The following CHL1 variants were observed in gnomAD, a reference collection of about 807,000 sequenced individuals.
CHL1 encodes the protein neural cell adhesion molecule L1-like protein.
In CHL1, 96 loss-of-function variants were observed where a neutral mutation model predicts 141.9. The observed-to-expected ratio is 0.68, with a 90% CI of 0.57 to 0.80. The LOEUF (loss-of-function observed/expected upper bound fraction) is 0.80. CHL1 is among the 30% of genes least tolerant of loss of function. The pLI is 0.00. For missense variants in CHL1, 1,820 were observed against 1,457.2 expected (o/e 1.25, Z -4.05); for synonymous variants, 613 against 502.2 (o/e 1.22, Z -2.95).
chr3:373,456 A>C (rs535493508), intron 15 of CHL1: 1 of 152,586 alleles, frequency 6.6e-6, no homozygotes, highest in Non-Finnish European at 1.5e-5. Flanking sequence ...GGACCAAGCC[A>C]TCCAGCCTCC....
chr3:310,836 G>C (rs549973949), intron 2 of CHL1, among the ~76,000 whole-genome samples: 1 of 152,280 alleles, frequency 6.6e-6, no homozygotes, highest in East Asian at 1.9e-4. Flanking sequence ...CACAATTGTA[G>C]TATCATACAA....
At chr3:296,542 A>G (rs569318144) in intron 2 of CHL1, among the ~76,000 whole-genome samples, 1 of 152,206 alleles carries the variant, frequency 6.6e-6, no homozygotes, top group Admixed American at 6.5e-5. Context: ...TCATAGTTTC[A>G]TGACCACAGA....
chr3:207,337 C>G (rs1699529038), intron 1 of CHL1, among the ~76,000 whole-genome samples: 1 of 152,198 alleles, frequency 6.6e-6, no homozygotes, highest in African/African-American at 2.4e-5. Flanking sequence ...AATGGCTTTT[C>G]TATAAAGCTT....
At chr3:378,357 C>G (rs1706607685) in intron 16 of CHL1, among the ~76,000 whole-genome samples, 1 of 152,120 alleles carries the variant, frequency 6.6e-6, no homozygotes, top group South Asian at 2.1e-4. Flanking sequence ...ACCAAAGGCA[C>G]AGACTGAGTT....
intron 11 of CHL1, among the ~76,000 whole-genome samples, chr3:358,139 A>G (rs1167356374): frequency 6.6e-6 from 1 of 152,182 alleles, no homozygotes; most frequent in Non-Finnish European, 1.5e-5. Context: ...CATTTCTGTA[A>G]AAGTCCAACA....
At chr3:318,951 C>T (rs1700342731) in intron 2 of CHL1, among the ~76,000 whole-genome samples, 1 of 151,514 alleles carries the variant, frequency 6.6e-6, no homozygotes, top group Non-Finnish European at 1.5e-5. Context: ...ACTCATCAGT[C>T]ATATACACCA....
At chr3:294,790 G>T (rs147330857) in intron 2 of CHL1, among the ~76,000 whole-genome samples, 101 of 152,210 alleles carry the variant, frequency 6.6e-4, no homozygotes, top group African/African-American at 2.3e-3. Context: ...AACTGCGGTC[G>T]ACCACAATTC....
At chr3:244,318 G>A (rs771770190) in intron 1 of CHL1, among the ~76,000 whole-genome samples, 1 of 152,184 alleles carries the variant, frequency 6.6e-6, no homozygotes. Flanking sequence ...TGCAAAATAC[G>A]TGAATTCATG....
rs759588137 is a variant in CHL1 at position 398,331 on chromosome 3, A to G, written c.3199A>G (p.Asn1067Asp). 1 of 1,608,038 alleles carries G rather than the reference A, an allele frequency of 6.2e-7. No homozygotes were observed. The highest frequency in any genetic ancestry group is 1.1e-5 in the South Asian group (1 of 90,942). Reference sequence around the variant, plus strand: ...ACATATAGTTCGCCTAATGACTAAGAATTGGGGCGATAATGATAGCATTTT... The same window carrying G: ...ACATATAGTTCGCCTAATGACTAAGGATTGGGGCGATAATGATAGCATTTT... ...AEHIVRLMTKNWGDNDSIFQD... is the reference protein window; with the variant it reads ...AEHIVRLMTKDWGDNDSIFQD... The change falls in exon 25 of 28, where the codon AAT (asparagine) becomes GAT (aspartate). Residue 1067 changes from asparagine to aspartate, a missense_variant. Physicochemically the swap from Asn to Asp is conservative, Grantham distance 23. Coordinates refer to ENST00000256509, the MANE Select transcript of CHL1 (RefSeq NM_006614.4).
Position 406,730 on chromosome 3 carries a change from A to G in CHL1, c.*1019A>G, listed in dbSNP as rs1709555210. The G allele has an allele frequency of 6.6e-6, 1 of 152,122 alleles. No homozygotes were observed. The highest frequency in any genetic ancestry group is 1.5e-5 in the Non-Finnish European group (1 of 68,010). 9.4% of individuals were successfully genotyped at this position (152,122 alleles called of 1,614,324 possible). ...TATTAGTAAGATACTGTTTTTCGTC[A>G]TTCCAGAGCTACAACTAATAACACG... On this transcript the variant is annotated 3_prime_UTR_variant, in exon 28 of 28. Transcript: ENST00000256509.
At chr3:343,900 A>G (rs1702549351) in intron 8 of CHL1, among the ~76,000 whole-genome samples, 1 of 152,240 alleles carries the variant, frequency 6.6e-6, no homozygotes, top group African/African-American at 2.4e-5. Context: ...CAAAAAATAA[A>G]CACGAAGTAT....
chr3:202,831 A>G (rs1699079128), intron 1 of CHL1, among the ~76,000 whole-genome samples: 2 of 152,192 alleles, frequency 1.3e-5, no homozygotes, highest in African/African-American at 4.8e-5. Flanking sequence ...TACTGTGTAT[A>G]ATTTCGTTTT....
At position 338,515 on chromosome 3, in the gene CHL1, C is replaced by T. The variant is rs142859659; in HGVS notation, c.386-2279C>T. ...TATAGTAATTAAAGTTCACATTTAT[C>T]TGTGAGTGTTAAAATTTTCACTTTT... On this transcript the variant is annotated intron_variant, in intron 5 of 27. Transcript: ENST00000256509. Among the ~76,000 whole-genome samples, 485 of 152,254 alleles carry T rather than the reference C, an allele frequency of 3.2e-3. 1 individual carries two copies. The highest frequency in any genetic ancestry group is 0.01 in the African/African-American group (419 of 41,540).
intron 1 of CHL1, among the ~76,000 whole-genome samples, chr3:201,227 C>T (rs1050541062): frequency 2.6e-5 from 4 of 152,160 alleles, no homozygotes; most frequent in African/African-American, 9.7e-5. Flanking sequence ...TATATTTATC[C>T]AGTAAACTAG....
chr3:298,863 A>G (rs2124882270), intron 2 of CHL1, among the ~76,000 whole-genome samples: 1 of 152,340 alleles, frequency 6.6e-6, no homozygotes, highest in East Asian at 1.9e-4. Context: ...TGAACACAAA[A>G]TCAACACCAG....
At chr3:287,359 G>T (rs2125323241) in intron 2 of CHL1, among the ~76,000 whole-genome samples, 1 of 152,232 alleles carries the variant, frequency 6.6e-6, no homozygotes, top group African/African-American at 2.4e-5. Context: ...ATTGAATGTT[G>T]AAGAACTTTT....
chr3:400,934 T>C (rs1370704997), intron 26 of CHL1, among the ~76,000 whole-genome samples: 4 of 149,588 alleles, frequency 2.7e-5, no homozygotes, highest in Admixed American at 1.3e-4. Flanking sequence ...CAAGGTCTTG[T>C]TCTGTTGCCC....
At chr3:280,765 G>T (rs936316107) in intron 2 of CHL1, among the ~76,000 whole-genome samples, 6 of 152,006 alleles carry the variant, frequency 3.9e-5, no homozygotes, top group African/African-American at 1.2e-4. Flanking sequence ...TGGTTGGTTG[G>T]GTGGGTAGTA....
intron 1 of CHL1, among the ~76,000 whole-genome samples, chr3:225,957 C>A (rs569411582): frequency 6.6e-6 from 1 of 151,232 alleles, no homozygotes; most frequent in Admixed American, 6.6e-5. Context: ...TGCAGTGAGC[C>A]GAGATAGCAC....
Sources: allele counts gnomAD v4.1 joint callset (sites outside exome capture counted in the v4.1 genomes callset), GRCh38; gene constraint gnomAD v4.1.1; transcripts MANE v1.5; gene names NCBI Gene and HGNC (gene_info 2026-07-23, HGNC 2026-07-21).